DRC8: variants seen among roughly 807,000 people sequenced by gnomAD.
DRC8 encodes the protein dynein regulatory complex protein 8.
chr1:245,045,679 C>T, the DRC8 span, among the ~76,000 whole-genome samples: 1 of 152,186 alleles, frequency 6.6e-6, no homozygotes, highest in African/African-American at 2.4e-5. Flanking sequence ...GTTTTCGCAG[C>T]CAATCAGAGG....
At chr1:245,108,446 A>G in the DRC8 span, among the ~76,000 whole-genome samples, 11 of 152,090 alleles carry the variant, frequency 7.2e-5, no homozygotes, top group Middle Eastern at 3.4e-3. Flanking sequence ...CTCTTTGACT[A>G]TTGCTTCTAT....
chr1:245,020,997 A>G, the DRC8 span, among the ~76,000 whole-genome samples: 1 of 152,124 alleles, frequency 6.6e-6, no homozygotes, highest in African/African-American at 2.4e-5. Context: ...AGAACTAGAT[A>G]TGAGAATGCA....
At chr1:245,020,866 G>A in the DRC8 span, among the ~76,000 whole-genome samples, 3 of 151,442 alleles carry the variant, frequency 2.0e-5, no homozygotes, top group Admixed American at 6.6e-5. Context: ...CTGGCCTCAG[G>A]TGATCCACCC....
the DRC8 span, among the ~76,000 whole-genome samples, chr1:245,120,693 T>C: frequency 6.6e-6 from 1 of 152,236 alleles, no homozygotes; most frequent in South Asian, 2.1e-4. Context: ...GATTGCAACA[T>C]TTTCAGCAAT....
At chr1:245,058,196 T>G in the DRC8 span, among the ~76,000 whole-genome samples, 3 of 152,148 alleles carry the variant, frequency 2.0e-5, no homozygotes, top group African/African-American at 7.2e-5. Context: ...GAGCTGAGAT[T>G]GCATCACTGC....
chr1:245,073,974 T>C, the DRC8 span, among the ~76,000 whole-genome samples: 1 of 152,214 alleles, frequency 6.6e-6, no homozygotes, highest in Non-Finnish European at 1.5e-5. Context: ...AAAGACACTA[T>C]TGAAGATGCA....
chr1:245,012,609 C>G, the DRC8 span, among the ~76,000 whole-genome samples: 1 of 151,830 alleles, frequency 6.6e-6, no homozygotes, highest in Admixed American at 6.6e-5. Context: ...TCTACAAAAC[C>G]CATAAAATAC....
the DRC8 span, among the ~76,000 whole-genome samples, chr1:245,008,193 A>G: frequency 6.6e-6 from 1 of 152,264 alleles, no homozygotes; most frequent in African/African-American, 2.4e-5. Flanking sequence ...GAAACAAACA[A>G]AAACCCTGAG....
the DRC8 span, among the ~76,000 whole-genome samples, chr1:245,015,385 C>T: frequency 6.6e-6 from 1 of 152,188 alleles, no homozygotes; most frequent in African/African-American, 2.4e-5. Flanking sequence ...TAAAATTTAT[C>T]AGCAAATCTT....
the DRC8 span, among the ~76,000 whole-genome samples, chr1:245,047,213 CAACT>C: frequency 1.3e-5 from 2 of 152,232 alleles, no homozygotes; most frequent in Non-Finnish European, 2.9e-5. Context: ...TCCCAAAACA[CAACT>C]AACAGCCTGC....
chr1:245,006,221 G>A, the DRC8 span, among the ~76,000 whole-genome samples: 1 of 152,182 alleles, frequency 6.6e-6, no homozygotes, highest in African/African-American at 2.4e-5. Context: ...ATGGTTTGAT[G>A]GGTGGAATGG....
chr1:245,114,677 TA>T, the DRC8 span, among the ~76,000 whole-genome samples: 1 of 152,232 alleles, frequency 6.6e-6, no homozygotes, highest in South Asian at 2.1e-4. Flanking sequence ...TTTTATTTCA[TA>T]AAAGTGTAGT....
the DRC8 span, among the ~76,000 whole-genome samples, chr1:245,031,658 A>G: frequency 6.6e-6 from 1 of 152,158 alleles, no homozygotes; most frequent in African/African-American, 2.4e-5. Context: ...AGTTTGTTAC[A>G]GCAGTGGCTG....
the DRC8 span, among the ~76,000 whole-genome samples, chr1:245,112,738 G>A: frequency 1.3e-5 from 2 of 150,146 alleles, no homozygotes; most frequent in East Asian, 1.9e-4. Flanking sequence ...AGTAACTCCC[G>A]TTCTTCCTTC....
chr1:245,096,875 G>C, the DRC8 span, among the ~76,000 whole-genome samples: 1 of 152,170 alleles, frequency 6.6e-6, no homozygotes, highest in Non-Finnish European at 1.5e-5. Flanking sequence ...GTCACGTGAT[G>C]TGTCTGTCCT....
the DRC8 span, among the ~76,000 whole-genome samples, chr1:245,063,323 C>G: frequency 6.6e-6 from 1 of 152,126 alleles, no homozygotes; most frequent in Non-Finnish European, 1.5e-5. Flanking sequence ...TGCCTGAAGT[C>G]GATGAATTCT....
the DRC8 span, among the ~76,000 whole-genome samples, chr1:245,077,161 C>A: frequency 6.6e-6 from 1 of 151,972 alleles, no homozygotes. Flanking sequence ...TTGCTAGAGC[C>A]GCTTTGATAG....
chr1:245,065,209 C>G, the DRC8 span, among the ~76,000 whole-genome samples: 2 of 150,574 alleles, frequency 1.3e-5, no homozygotes, highest in Non-Finnish European at 3.0e-5. Context: ...CATGCCATCA[C>G]GCCCGGCTAA....
chr1:244,972,188 C>T, the DRC8 span, among the ~76,000 whole-genome samples: 7 of 152,122 alleles, frequency 4.6e-5, no homozygotes, highest in Non-Finnish European at 1.0e-4. Flanking sequence ...GTCGATAACT[C>T]ATAGAAGTAA....
Sources: gnomAD v4.1 joint callset for allele counts (sites outside exome capture counted in the v4.1 genomes callset) on GRCh38, gnomAD v4.1.1 for gene constraint, MANE v1.5 for transcripts, NCBI Gene and HGNC (gene_info 2026-07-23, HGNC 2026-07-21) for gene names.